STK3: variants seen among roughly 807,000 people sequenced by gnomAD.
STK3 encodes serine/threonine kinase 3, also known as serine/threonine-protein kinase 3.
In STK3, 41 loss-of-function variants were observed where a neutral mutation model predicts 58.0. The observed-to-expected ratio is 0.71, with a 90% confidence interval of 0.55 to 0.92. The LOEUF (loss-of-function observed/expected upper bound fraction) is 0.92. Ranked by LOEUF, STK3 falls within the 40% of genes least tolerant of loss-of-function variation. The pLI is 0.00. For missense variants in STK3, 479 were observed against 602.7 expected (o/e 0.79, Z 2.15); for synonymous variants, 170 against 191.0 (o/e 0.89, Z 0.91).
At chr8:98,586,300 G>A (rs1038109132) in intron 7 of STK3, among the ~76,000 whole-genome samples, 2 of 152,134 alleles carry the variant, frequency 1.3e-5, no homozygotes, top group African/African-American at 4.8e-5. Context: ...AGAGTTTTTA[G>A]CATGAAGGGT....
intron 10 of STK3, among the ~76,000 whole-genome samples, chr8:98,520,228 C>T (rs145439410): frequency 1.5e-3 from 224 of 152,110 alleles, no homozygotes; most frequent in East Asian, 0.011. Context: ...AACTTTTTTC[C>T]GGTAGGGTTA....
chr8:98,707,049 T>C, intron 5 of STK3, 98 bp downstream of exon 5: 1 of 1,305,486 alleles, frequency 7.7e-7, no homozygotes, highest in Non-Finnish European at 1.0e-6. Context: ...AAACTACACA[T>C]TTCTTTCCAT....
intron 1 of STK3, among the ~76,000 whole-genome samples, chr8:98,916,781 G>A (rs576400908): frequency 1.3e-5 from 2 of 152,290 alleles, no homozygotes; most frequent in South Asian, 4.1e-4. Context: ...CTAAGTAATT[G>A]TAAGATATTT....
chr8:98,373,687 G>C (rs1586540581), intron 2 of STK3, among the ~76,000 whole-genome samples: 1 of 152,162 alleles, frequency 6.6e-6, no homozygotes, highest in African/African-American at 2.4e-5. Context: ...GAAGGTGGTA[G>C]AAATTCCTTC....
At chr8:98,513,668 A>G (rs1466407469) in intron 10 of STK3, among the ~76,000 whole-genome samples, 1 of 152,188 alleles carries the variant, frequency 6.6e-6, no homozygotes, top group East Asian at 1.9e-4. Flanking sequence ...CCACAGAAAT[A>G]GTATACCTGG....
intron 1 of STK3, among the ~76,000 whole-genome samples, chr8:98,890,314 A>G (rs1397436613): frequency 6.6e-6 from 1 of 152,110 alleles, no homozygotes; most frequent in Non-Finnish European, 1.5e-5. Flanking sequence ...ATAATCCCCA[A>G]CCCAGGAATT....
chr8:98,750,098 G>A (rs1829878593), intron 3 of STK3, among the ~76,000 whole-genome samples: 1 of 152,058 alleles, frequency 6.6e-6, no homozygotes. Flanking sequence ...AATGCATAGA[G>A]ATAGAAAATA....
intron 6 of STK3, among the ~76,000 whole-genome samples, chr8:98,696,065 G>A (rs1266370915): frequency 6.6e-6 from 1 of 152,034 alleles, no homozygotes; most frequent in African/African-American, 2.4e-5. Flanking sequence ...AGTTCTCCTT[G>A]AAGAGGTCCT....
Position 98,633,622 on chromosome 8 carries a change from G to C in STK3, c.685-37453C>G, listed in dbSNP as rs111875881. 114 of 739,234 alleles carry C rather than the reference G, an allele frequency of 1.5e-4. No individual in the cohort carries two copies. The African/African-American group carries it at 1.6e-3, about 10-fold the overall frequency. 45.8% of individuals were successfully genotyped at this position (739,234 alleles called of 1,614,324 possible). A position where few individuals can be genotyped will look rare whatever the true frequency, so the allele number is the denominator to read the frequency against. ...TCAGTCCATTTGCGGAGGAACATTG[G>C]TGTTACAGCAGTGGCGTTTAATAAG... On this transcript the variant is annotated intron_variant, in intron 6 of 10. Transcript: ENST00000419617.
At chr8:98,711,300 G>C (rs1422148514) in intron 4 of STK3, among the ~76,000 whole-genome samples, 3 of 152,188 alleles carry the variant, frequency 2.0e-5, no homozygotes, top group African/African-American at 4.8e-5. Context: ...ACTTTGACAA[G>C]CTGAGAGAAG....
At chr8:98,749,165 C>T in intron 4 of STK3, 111 bp downstream of exon 4, 2 of 774,376 alleles carry the variant, frequency 2.6e-6, no homozygotes, top group Non-Finnish European at 4.1e-6. Flanking sequence ...CCACTTAAAA[C>T]CTTTTCTTTT....
At chr8:98,389,524 T>A (rs533456576), upstream of STK3, among the ~76,000 whole-genome samples, 1 of 152,258 alleles carries the variant, frequency 6.6e-6, no homozygotes, top group East Asian at 1.9e-4. Context: ...CAAGTTCACA[T>A]AATCAAATTA....
chr8:98,697,096 G>A (rs909595347), intron 6 of STK3, among the ~76,000 whole-genome samples: 1 of 152,190 alleles, frequency 6.6e-6, no homozygotes, highest in African/African-American at 2.4e-5. Context: ...GAGGGTGTAT[G>A]TGTCGAGGAA....
intron 6 of STK3, among the ~76,000 whole-genome samples, chr8:98,614,287 T>C (rs1817463936): frequency 6.6e-6 from 1 of 152,014 alleles, no homozygotes; most frequent in African/African-American, 2.4e-5. Context: ...GCATAAAACA[T>C]ACATCAACAA....
chr8:98,709,734 T>C (rs1826247793), intron 4 of STK3, among the ~76,000 whole-genome samples: 1 of 152,184 alleles, frequency 6.6e-6, no homozygotes, highest in African/African-American at 2.4e-5. Context: ...TTTGATTAAA[T>C]TTAACTTCTT....
At chr8:98,516,836 G>A (rs1824966326) in intron 10 of STK3, among the ~76,000 whole-genome samples, 1 of 151,950 alleles carries the variant, frequency 6.6e-6, no homozygotes, top group African/African-American at 2.4e-5. Flanking sequence ...GAATATGGCC[G>A]ATAATTAACT....
At chr8:98,834,022 CA>C (rs771229997) in intron 3 of STK3, among the ~76,000 whole-genome samples, 35 of 152,014 alleles carry the variant, frequency 2.3e-4, no homozygotes, top group Non-Finnish European at 1.6e-4. Flanking sequence ...TAAAAATTAT[CA>C]AGCCCATTGA....
intron 3 of STK3, among the ~76,000 whole-genome samples, chr8:98,422,032 A>T (rs1374184427): frequency 6.6e-6 from 1 of 152,066 alleles, no homozygotes; most frequent in African/African-American, 2.4e-5. Context: ...AGCTCTTCAG[A>T]CACAACCACA....
At chr8:98,723,629 C>G (rs1035718502) in intron 4 of STK3, among the ~76,000 whole-genome samples, 2 of 152,000 alleles carry the variant, frequency 1.3e-5, no homozygotes, top group Non-Finnish European at 2.9e-5. Flanking sequence ...AGCTAAACAC[C>G]TTTTGGACAT....
Sources: allele counts gnomAD v4.1 joint callset (sites outside exome capture counted in the v4.1 genomes callset), GRCh38; gene constraint gnomAD v4.1.1; transcripts MANE v1.5; gene names NCBI Gene and HGNC (gene_info 2026-07-23, HGNC 2026-07-21).